The following RNF10 variants were observed in gnomAD, a reference collection of about 807,000 sequenced individuals.
RNF10 encodes the protein E3 ubiquitin-protein ligase RNF10.
Under a neutral mutation model 91.4 loss-of-function variants are expected in RNF10, and 38 were observed. The observed-to-expected ratio is 0.42, with a 90% CI of 0.32 to 0.54. The LOEUF is 0.54. Ranked by LOEUF, RNF10 falls within the 20% of genes least tolerant of loss-of-function variation. The probability of loss-of-function intolerance (pLI) is 0.16; values close to 1 mark genes in which losing one functional copy is unlikely to be tolerated. For synonymous variants in RNF10, 364 were observed against 366.3 expected (o/e 0.99, Z 0.07); for missense variants, 945 against 1,012.0 (o/e 0.93, Z 0.90).
chr12:120,557,200 G>C, intron 4 of RNF10, 82 bp from the exon 5 acceptor site: 1 of 1,197,192 alleles, frequency 8.4e-7, no homozygotes, highest in South Asian at 1.3e-5. Flanking sequence ...AGATGCGGAT[G>C]AGAGAGTAGA....
At position 120,546,586 on chromosome 12, in the gene RNF10, T is replaced by A; in HGVS notation, c.339T>A (p.Gly113=). The change falls in exon 2 of 17, where the codon GGT becomes GGA. Residue 113 remains glycine, a synonymous_variant. Coordinates refer to ENST00000325954, the MANE Select transcript of RNF10 (RefSeq NM_014868.5). ...AACTCTTTAGCTCTTCTTTTAATGG[T>A]GGAAGACGAGATGAGGTATGGAATT... ...SSKLFSSSFN[G]GRRDEVAEAQ... 6.2e-7 allele frequency: 1 copy of A among 1,613,224 alleles called. No individual in the cohort carries two copies. Among genetic ancestry groups the A allele is most frequent in the Non-Finnish European group, 8.5e-7 (1 of 1,179,760 alleles).
chr12:120,555,893 A>G (rs187166497), intron 4 of RNF10, among the ~76,000 whole-genome samples: 20 of 151,832 alleles, frequency 1.3e-4, no homozygotes, highest in Admixed American at 7.2e-4. Context: ...GGTTCAAGCA[A>G]TTCTCATGCC....
At chr12:120,560,962 C>T in intron 7 of RNF10, 76 bp downstream of exon 7, 1 of 1,453,036 alleles carries the variant, frequency 6.9e-7, no homozygotes, top group East Asian at 2.3e-5. Context: ...AATGCTAAAC[C>T]TTTTCACTCT....
intron 2 of RNF10, among the ~76,000 whole-genome samples, chr12:120,550,009 G>C (rs1403154581): frequency 6.6e-6 from 1 of 151,954 alleles, no homozygotes; most frequent in Non-Finnish European, 1.5e-5. Flanking sequence ...TGTGGTTGTT[G>C]GTCTAGACTA....
At chr12:120,558,824 C>A (rs985704346) in intron 6 of RNF10, among the ~76,000 whole-genome samples, 3 of 151,548 alleles carry the variant, frequency 2.0e-5, no homozygotes, top group African/African-American at 7.3e-5. Context: ...GCCCGCCTTA[C>A]CTCCCAAAGT....
chr12:120,574,949 A>G, intron 14 of RNF10: 1 of 192,226 alleles, frequency 5.2e-6, no homozygotes. Flanking sequence ...AAAAAACTGG[A>G]GGGTACTAGG....
At chr12:120,562,802 T>G in intron 7 of RNF10, 143 bp from the exon 8 acceptor site, 1 of 889,820 alleles carries the variant, frequency 1.1e-6, no homozygotes. Context: ...GTTGAGATAT[T>G]TAAGCACCTA....
chr12:120,558,455 A>T lies in RNF10; in HGVS notation c.967+773A>T, dbSNP rs551343392. On this transcript the variant is annotated intron_variant, in intron 6 of 16. Coordinates refer to ENST00000325954, the MANE Select transcript of RNF10 (RefSeq NM_014868.5). ...AAAACATTAAAAATGTGTATTAATT[A>T]AAAAAAAATCCTCAGATATGGGTGG... Among the ~76,000 whole-genome samples, 23 of 142,482 alleles carry T rather than the reference A, an allele frequency of 1.6e-4. No homozygotes were observed. The South Asian group carries it at 2.7e-3, about 17-fold the overall frequency. 93.5% of individuals were successfully genotyped at this position (142,482 alleles called of 152,430 possible). A position where few individuals can be genotyped will look rare whatever the true frequency, so the allele number is the denominator to read the frequency against.
chr12:120,559,533 C>G (rs924986859), intron 6 of RNF10, among the ~76,000 whole-genome samples: 2 of 151,932 alleles, frequency 1.3e-5, no homozygotes, highest in Non-Finnish European at 2.9e-5. Context: ...TACAGGCACG[C>G]ACCACCACAC....
rs375311527 is a variant in RNF10 at position 120,562,275 on chromosome 12, T to C, written c.1129-670T>C. 3.9e-3 allele frequency among the ~76,000 whole-genome samples: 516 copies of C among 131,474 alleles called. 3 individuals carry two copies. The highest frequency in any genetic ancestry group is 0.016 in the African/African-American group (483 of 30,606). 86.3% of individuals were successfully genotyped at this position (131,474 alleles called of 152,430 possible). A position where few individuals can be genotyped will look rare whatever the true frequency, so the allele number is the denominator to read the frequency against. ...GGTTTTTCTTTTTCTTTCTTTCTTT[T>C]TTTTTTTTTTTTTTTTGAGACAGAG... On this transcript the variant is annotated intron_variant, in intron 7 of 16. Transcript: ENST00000325954.
chr12:120,546,097 A>G (rs1011885622), intron 1 of RNF10, among the ~76,000 whole-genome samples: 1 of 152,164 alleles, frequency 6.6e-6, no homozygotes, highest in African/African-American at 2.4e-5. Flanking sequence ...ACTTTATCTG[A>G]CTGAACTTTT....
chr12:120,552,077 C>CT, intron 2 of RNF10, among the ~76,000 whole-genome samples: 2 of 128,860 alleles, frequency 1.6e-5, no homozygotes, highest in Middle Eastern at 7.8e-3. Flanking sequence ...GAGTGAGACT[C>CT]TGTCTCAAAA....
intron 4 of RNF10, 34 bp downstream of exon 4, chr12:120,554,842 T>C (rs372957238): frequency 6.5e-7 from 1 of 1,531,098 alleles, no homozygotes; most frequent in African/African-American, 1.4e-5. Flanking sequence ...AAGCTATGAA[T>C]GGGAGCACTA....
At chr12:120,548,283 C>T (rs188903933) in intron 2 of RNF10, among the ~76,000 whole-genome samples, 1 of 152,286 alleles carries the variant, frequency 6.6e-6, no homozygotes, top group East Asian at 1.9e-4. Flanking sequence ...TGTCAGCATA[C>T]AGTTGGTGCT....
At chr12:120,572,700 A>G (rs1004682453) in intron 14 of RNF10, among the ~76,000 whole-genome samples, 3 of 151,834 alleles carry the variant, frequency 2.0e-5, no homozygotes, top group East Asian at 1.9e-4. Context: ...GGTTCAAGCA[A>G]TTCTCCTGCC....
intron 10 of RNF10, 141 bp from the exon 11 acceptor site, chr12:120,564,931 A>G: frequency 1.5e-6 from 1 of 669,470 alleles, no homozygotes; most frequent in South Asian, 1.8e-5. Flanking sequence ...TGGCTTTTCA[A>G]AATGAGGATA....
chr12:120,567,132 A>T (rs1875868067), intron 13 of RNF10, 152 bp downstream of exon 13: 1 of 698,914 alleles, frequency 1.4e-6, no homozygotes, highest in Non-Finnish European at 2.3e-6. Flanking sequence ...AAATTCTTTT[A>T]TTCATCTTTC....
chr12:120,571,506 G>A (rs1269118167), intron 14 of RNF10, among the ~76,000 whole-genome samples: 2 of 152,134 alleles, frequency 1.3e-5, no homozygotes, highest in Non-Finnish European at 2.9e-5. Flanking sequence ...CGTCCGCTCT[G>A]TTGGAAAAGG....
chr12:120,548,372 A>G (rs1459289406), intron 2 of RNF10, among the ~76,000 whole-genome samples: 1 of 152,162 alleles, frequency 6.6e-6, no homozygotes, highest in East Asian at 1.9e-4. Flanking sequence ...TGAACCTCTG[A>G]GTCTGGATAA....
Sources: allele counts gnomAD v4.1 joint callset (sites outside exome capture counted in the v4.1 genomes callset), GRCh38; gene constraint gnomAD v4.1.1; transcripts MANE v1.5; gene names NCBI Gene and HGNC (gene_info 2026-07-23, HGNC 2026-07-21).